Variants in ANKRD42 observed in about 807,000 individuals in gnomAD.
ANKRD42 encodes ankyrin repeat domain 42.
A neutral mutation model predicts 51.5 loss-of-function variants in ANKRD42; 43 were observed. That is an observed-to-expected ratio of 0.83 (90% CI 0.65 to 1.08). ANKRD42 has a LOEUF of 1.08. Ranked by LOEUF, ANKRD42 falls within the 50% of genes least tolerant of loss-of-function variation. The pLI is 0.00. For synonymous variants in ANKRD42, 203 were observed against 213.0 expected (o/e 0.95, Z 0.41); for missense variants, 608 against 629.3 (o/e 0.97, Z 0.36).
intron 6 of ANKRD42, among the ~76,000 whole-genome samples, 184 bp downstream of exon 6, chr11:83,225,239 C>T (rs903183908): frequency 4.6e-5 from 7 of 152,058 alleles, no homozygotes; most frequent in Admixed American, 4.6e-4. Context: ...TCTATACATT[C>T]ATCTAGATTC....
chr11:83,225,185 A>G, intron 6 of ANKRD42, 130 bp downstream of exon 6: 2 of 717,660 alleles, frequency 2.8e-6, no homozygotes, highest in Non-Finnish European at 4.2e-6. Flanking sequence ...AAAAATATAA[A>G]CATGTTTAAT....
intron 8 of ANKRD42, among the ~76,000 whole-genome samples, chr11:83,238,826 G>C (rs1384703841): frequency 4.7e-5 from 7 of 149,510 alleles, no homozygotes; most frequent in African/African-American, 1.7e-4. Context: ...GCGAAACTCT[G>C]TCTCCGAAAA....
intron 5 of ANKRD42, chr11:83,215,277 A>G (rs1862489979): frequency 6.6e-6 from 1 of 152,114 alleles, no homozygotes; most frequent in Non-Finnish European, 1.5e-5. Flanking sequence ...ATTTAATATA[A>G]ATATAGCTAC....
chr11:83,237,351 G>A (rs955503444), intron 8 of ANKRD42, among the ~76,000 whole-genome samples: 10 of 151,608 alleles, frequency 6.6e-5, no homozygotes, highest in Non-Finnish European at 1.3e-4. Context: ...AAACTGCATG[G>A]GGACAGAATT....
intron 5 of ANKRD42, among the ~76,000 whole-genome samples, chr11:83,221,130 C>T (rs527246768): frequency 1.3e-5 from 2 of 152,008 alleles, no homozygotes; most frequent in South Asian, 2.1e-4. Context: ...TATTTTTGAG[C>T]TCACTGATTC....
chr11:83,194,918 C>A (rs1363707985), intron 1 of ANKRD42, among the ~76,000 whole-genome samples, 190 bp downstream of exon 1: 1 of 152,186 alleles, frequency 6.6e-6, no homozygotes, highest in Non-Finnish European at 1.5e-5. Flanking sequence ...CGCTTTCTTT[C>A]CTTTTTTCCA....
At chr11:83,207,936 T>C (rs972745256) in intron 3 of ANKRD42, among the ~76,000 whole-genome samples, 2 of 152,232 alleles carry the variant, frequency 1.3e-5, no homozygotes, top group African/African-American at 4.8e-5. Context: ...AGTAATATAA[T>C]GAAGATTTTG....
chr11:83,236,479 CAG>C lies in ANKRD42; in HGVS notation c.990_991del (p.Arg333ThrfsTer3). ...GCAGACAGTAATATTACCAACAAAG[CAG>C]GGGAGAGACCCAGTGATGTGGCAAA... On this transcript the variant is annotated frameshift_variant, in exon 8 of 11. Coordinates refer to ENST00000533342, the MANE Select transcript of ANKRD42 (RefSeq NM_001300975.2). LOFTEE classifies it high-confidence loss of function. 1 of 1,611,442 alleles carries C rather than the reference CAG, an allele frequency of 6.2e-7. No individual in the cohort carries two copies. The highest frequency in any genetic ancestry group is 2.2e-5 in the East Asian group (1 of 44,840).
chr11:83,213,093 A>T, intron 5 of ANKRD42: 1 of 1,601,144 alleles, frequency 6.2e-7, no homozygotes, highest in Non-Finnish European at 8.5e-7. Context: ...TGATATGTCA[A>T]AATTAAGTGT....
intron 11 of ANKRD42, among the ~76,000 whole-genome samples, chr11:83,255,078 C>G (rs1237076669): frequency 6.6e-6 from 1 of 152,300 alleles, no homozygotes. Context: ...GCAGGAACAC[C>G]TTGGAGAACT....
At chr11:83,258,231 G>A (rs1863806259), downstream of ANKRD42, among the ~76,000 whole-genome samples, 1 of 152,034 alleles carries the variant, frequency 6.6e-6, no homozygotes, top group Non-Finnish European at 1.5e-5. Context: ...TTAAGCCACT[G>A]CTATTCTGGA....
chr11:83,227,922 T>C, intron 7 of ANKRD42, 50 bp downstream of exon 7: 1 of 1,537,356 alleles, frequency 6.5e-7, no homozygotes, highest in Admixed American at 2.3e-5. Flanking sequence ...TGCTGAGTTA[T>C]TCATCTTTTA....
At chr11:83,232,753 C>T (rs552081284) in intron 7 of ANKRD42, among the ~76,000 whole-genome samples, 19 of 151,942 alleles carry the variant, frequency 1.3e-4, no homozygotes, top group Non-Finnish European at 1.0e-4. Context: ...TGAATTTGTC[C>T]CTTCTATACC....
At chr11:83,216,697 T>G (rs1323161933) in intron 5 of ANKRD42, among the ~76,000 whole-genome samples, 1 of 152,248 alleles carries the variant, frequency 6.6e-6, no homozygotes, top group African/African-American at 2.4e-5. Context: ...GGAAAGGCTT[T>G]CTGTCTTCTT....
rs768087844 is a variant in ANKRD42, at chr11:83,198,592, C to T, written c.172C>T (p.Leu58Phe). ...RGASINELDV[L>F]HKFTPLHWAA... ...AGCCAGCATTAATGAACTTGATGTTCTCCATAAGTTTACCCCTTTACATTG... is the reference window on the plus strand; with the variant it reads ...AGCCAGCATTAATGAACTTGATGTTTTCCATAAGTTTACCCCTTTACATTG... Residue 58 changes from leucine to phenylalanine, a missense_variant, in exon 2 of 11, where the codon CTC (leucine) becomes TTC (phenylalanine). Coordinates refer to ENST00000533342, the MANE Select transcript of ANKRD42 (RefSeq NM_001300975.2). 3 of 1,612,224 alleles carry T rather than the reference C, an allele frequency of 1.9e-6. No individual in the cohort carries two copies. The Admixed American group carries it at 5.0e-5, about 27-fold the overall frequency.
Position 83,222,777 on chromosome 11 carries a change from T to C in ANKRD42, c.587-2078T>C, listed in dbSNP as rs1338558332. On this transcript the variant is annotated intron_variant, in intron 5 of 10. Transcript: ENST00000533342. ...AGCCATTAGAGGGTTTGTTTGTTTT[T>C]TCTTTCCTTCTTTCCTGTCTTTCTC... Among the ~76,000 whole-genome samples, 5 of 152,202 alleles carry C rather than the reference T, an allele frequency of 3.3e-5. No homozygotes were observed. In the East Asian group the frequency reaches 9.6e-4, roughly 29 times the overall value.
At chr11:83,195,923 G>A (rs1294904675) in intron 1 of ANKRD42, among the ~76,000 whole-genome samples, 4 of 148,742 alleles carry the variant, frequency 2.7e-5, no homozygotes, top group Non-Finnish European at 5.9e-5. Flanking sequence ...TCAGCTCACT[G>A]CAATCTCCGC....
At chr11:83,236,858 C>T in intron 8 of ANKRD42, among the ~76,000 whole-genome samples, 1 of 152,166 alleles carries the variant, frequency 6.6e-6, no homozygotes, top group East Asian at 1.9e-4. Context: ...TGATTTGTCC[C>T]ATCCAAATGC....
Position 83,212,990 on chromosome 11 carries a change from C to T in ANKRD42, c.586+1560C>T, listed in dbSNP as rs771790909. The T allele has an allele frequency of 3.2e-5, 51 of 1,598,084 alleles. No individual in the cohort carries two copies. The Admixed American group carries it at 7.7e-4, about 24-fold the overall frequency. On this transcript the variant is annotated intron_variant, in intron 5 of 10. Transcript: ENST00000533342. ...CGCTGCCTACGGAGGTGGCAGCCAT[C>T]TCCTCCTCAGCATCATGGCCACCCT...
Sources: gnomAD v4.1 joint callset for allele counts (sites outside exome capture counted in the v4.1 genomes callset) on GRCh38, gnomAD v4.1.1 for gene constraint, MANE v1.5 for transcripts, NCBI Gene and HGNC (gene_info 2026-07-23, HGNC 2026-07-21) for gene names.